SEL1L: variants seen among roughly 807,000 people sequenced by gnomAD.
SEL1L encodes the protein SEL1L adaptor subunit of SYVN1 ubiquitin ligase.
SEL1L carries 52 observed loss-of-function variants against 109.8 expected under a neutral mutation model. The observed-to-expected ratio is 0.47, with a 90% CI of 0.38 to 0.60. The LOEUF is 0.60. Ranked by LOEUF, SEL1L falls within the 20% of genes least tolerant of loss-of-function variation. SEL1L has a pLI of 0.00. For synonymous variants in SEL1L, 373 were observed against 339.6 expected (o/e 1.10, Z -1.08); for missense variants, 749 against 962.2 (o/e 0.78, Z 2.93).
intron 19 of SEL1L, 33 bp from the exon 20 acceptor site, chr14:81,479,773 C>T (rs1034202425): frequency 1.3e-6 from 2 of 1,547,074 alleles, no homozygotes; most frequent in Non-Finnish European, 1.7e-6. Context: ...AAATGCATTT[C>T]TTGTCAAAAT....
intron 4 of SEL1L, among the ~76,000 whole-genome samples, chr14:81,504,808 C>G (rs1472767490): frequency 1.3e-5 from 2 of 151,996 alleles, no homozygotes; most frequent in Non-Finnish European, 2.9e-5. Flanking sequence ...TAAGTTCTCA[C>G]GAGATCTGGT....
chr14:81,516,536 GGAATCAACCCT>G (rs1884708975), intron 3 of SEL1L, among the ~76,000 whole-genome samples: 1 of 152,172 alleles, frequency 6.6e-6, no homozygotes, highest in Non-Finnish European at 1.5e-5. Context: ...GCTTAAGGAG[GGAATCAACCCT>G]GAAGTCTGGG....
rs1313452672 is a variant in SEL1L at position 81,486,352 on chromosome 14, G to T, written c.1735C>A (p.Leu579Ile). The change falls in exon 17 of 21, where the codon CTC becomes ATC. Residue 579 changes from leucine to isoleucine, a missense_variant. This residue lies in a region of SEL1L where 383 missense variants were observed against 562.5 expected (regional missense o/e 0.68). Transcript: ENST00000336735. ...TCATAGCCCTGTTCAGCCAGGAGGA[G>T]GTACTGGATCACTGCAGCATTGTAA... ...GDYNAAVIQY[L>I]LLAEQGYEVA... The T allele has an allele frequency of 1.9e-6, 3 of 1,613,970 alleles. No homozygotes were observed. The highest frequency in any genetic ancestry group is 3.3e-5 in the Admixed American group (2 of 59,992).
At chr14:81,533,436 T>C (rs186187925) in intron 1 of SEL1L, among the ~76,000 whole-genome samples, 3 of 152,300 alleles carry the variant, frequency 2.0e-5, no homozygotes, top group East Asian at 1.9e-4. Flanking sequence ...CGCGCAAAGT[T>C]TGTTACGTGG....
At chr14:81,496,353 G>T (rs561260633) in intron 10 of SEL1L, among the ~76,000 whole-genome samples, 1 of 151,040 alleles carries the variant, frequency 6.6e-6, no homozygotes, top group African/African-American at 2.4e-5. Context: ...AAAAAAAACT[G>T]AATTTGTCCC....
At chr14:81,485,606 T>C in intron 18 of SEL1L, 66 bp downstream of exon 18, 2 of 1,342,022 alleles carry the variant, frequency 1.5e-6, no homozygotes, top group Non-Finnish European at 2.1e-6. Context: ...GATTTAATGT[T>C]CATGGGAGAT....
chr14:81,503,515 T>G (rs1884105466), intron 5 of SEL1L, among the ~76,000 whole-genome samples: 1 of 139,666 alleles, frequency 7.2e-6, no homozygotes, highest in East Asian at 1.9e-4. Flanking sequence ...ATTTTTAAAT[T>G]TTTTTTAGAG....
In SEL1L at chr14:81,498,019, C is replaced by A; in HGVS notation, c.1001G>T (p.Gly334Val). The A allele has an allele frequency of 6.2e-7, 1 of 1,612,894 alleles. No homozygotes were observed. The highest frequency in any genetic ancestry group is 8.5e-7 in the Non-Finnish European group (1 of 1,179,540). ...CAGCCGTATTCTCTGTACTACTGAGCCTCCTGTTAGCGAGATATCACTAGC... is the reference window on the plus strand; with the variant it reads ...CAGCCGTATTCTCTGTACTACTGAGACTCCTGTTAGCGAGATATCACTAGC... ...HVASDISLTG[G>V]SVVQRIRLPD... Residue 334 changes from glycine (G) to valine (V), a missense_variant, in exon 10 of 21, where the codon GGC becomes GTC. Around this residue, in one of 2 missense-constraint regions of SEL1L, gnomAD observed 366 missense variants for 399.8 expected, o/e 0.92. Transcript: ENST00000336735.
intron 1 of SEL1L, among the ~76,000 whole-genome samples, chr14:81,532,175 T>A (rs1015384767): frequency 6.6e-6 from 1 of 152,228 alleles, no homozygotes; most frequent in African/African-American, 2.4e-5. Flanking sequence ...ACAATTCCTA[T>A]GCTTTAATTT....
At chr14:81,499,161 G>T in intron 8 of SEL1L, 2 of 1,113,200 alleles carry the variant, frequency 1.8e-6, no homozygotes, top group South Asian at 4.4e-5. Context: ...TGTAAAAAAT[G>T]ATTCTGACAA....
At chr14:81,533,499 T>C (rs1885414944) in intron 1 of SEL1L, among the ~76,000 whole-genome samples, 176 bp downstream of exon 1, 1 of 152,166 alleles carries the variant, frequency 6.6e-6, no homozygotes, top group South Asian at 2.1e-4. Context: ...CCACTCCACC[T>C]TCCTAAATAG....
Position 81,526,683 on chromosome 14 carries a change from T to C in SEL1L, c.340+50A>G, listed in dbSNP as rs775806065. 5 of 1,422,754 alleles carry C rather than the reference T, an allele frequency of 3.5e-6. No homozygotes were observed. In the Admixed American group the frequency reaches 8.5e-5, roughly 24 times the overall value. The allele number at this position is 1,422,754 out of a possible 1,614,324, so 88.1% of individuals were successfully genotyped here. ...CCTCTTTATTCATTAGCTTAAAATT[T>C]TCAGTTGTCCCCTAAATAAATCAAA... On this transcript the variant is annotated intron_variant, in intron 3 of 20. Transcript: ENST00000336735.
rs139571661 is a variant in SEL1L at position 81,498,511 on chromosome 14, C to T, written c.892-17G>A. 8.1e-5 allele frequency: 129 copies of T among 1,593,756 alleles called. No individual in the cohort carries two copies. Among genetic ancestry groups the T allele is most frequent in the East Asian group, 6.0e-4 (27 of 44,770 alleles). The stretch of plus-strand genomic sequence containing the variant: ...TCTGTAACCCTGTAAAACAACTTCA[C>T]GTGAGGAGGCAGCAGTTTCATGTAC... On this transcript the variant is annotated splice_polypyrimidine_tract_variant and intron_variant, in intron 8 of 20. Transcript: ENST00000336735.
intron 19 of SEL1L, 26 bp from the exon 20 acceptor site, chr14:81,479,766 T>C: frequency 6.4e-7 from 1 of 1,561,472 alleles, no homozygotes; most frequent in Non-Finnish European, 8.7e-7. Flanking sequence ...GAAACAAAAA[T>C]GCATTTCTTG....
chr14:81,522,770 TGCATATA>T (rs1375667898), intron 3 of SEL1L, among the ~76,000 whole-genome samples: 1 of 152,186 alleles, frequency 6.6e-6, no homozygotes, highest in East Asian at 1.9e-4. Context: ...ACGTAGTACT[TGCATATA>T]ACCTACGCAA....
chr14:81,529,351 T>C lies in SEL1L; in HGVS notation c.71-1613A>G, dbSNP rs140573326. On this transcript the variant is annotated intron_variant, in intron 1 of 20. Transcript: ENST00000336735. ...AATCACAAACTTCAACTAGTTAATA[T>C]ATCAAAACAGATATTAAATGTTTAA... 4.1e-3 allele frequency among the ~76,000 whole-genome samples: 618 copies of C among 152,298 alleles called. 8 individuals are homozygous for C. Among genetic ancestry groups the C allele is most frequent in the Middle Eastern group, 0.014 (4 of 294 alleles).
At chr14:81,524,554 T>A (rs1187882963) in intron 3 of SEL1L, among the ~76,000 whole-genome samples, 1 of 152,180 alleles carries the variant, frequency 6.6e-6, no homozygotes, top group African/African-American at 2.4e-5. Context: ...TGCATATTTC[T>A]TTAGCAAATA....
In SEL1L at chr14:81,493,087, T is replaced by A. The variant is rs150509898; in HGVS notation, c.1186-539A>T. On this transcript the variant is annotated intron_variant, in intron 11 of 20. Transcript: ENST00000336735. ...GAAATTCATCATCACCACTCTCAAC[T>A]GTATTGCAGCCCATTTTTGTTAAGG... Among the ~76,000 whole-genome samples the A allele has an allele frequency of 1.7e-3, 265 of 152,352 alleles. 4 individuals carry two copies. The highest frequency in any genetic ancestry group is 6.0e-3 in the African/African-American group (249 of 41,580).
intron 17 of SEL1L, 121 bp from the exon 18 acceptor site, chr14:81,485,867 A>C: frequency 1.3e-6 from 1 of 772,302 alleles, no homozygotes; most frequent in South Asian, 1.7e-5. Context: ...GGATATAAAA[A>C]TTAAAACAAA....
Sources: allele counts gnomAD v4.1 joint callset (sites outside exome capture counted in the v4.1 genomes callset), GRCh38; gene constraint gnomAD v4.1.1; regional missense constraint gnomAD v4.1.1; transcripts MANE v1.5; gene names NCBI Gene and HGNC (gene_info 2026-07-23, HGNC 2026-07-21).